Variants in LYPD6B observed in about 807,000 individuals in gnomAD.
The protein encoded by LYPD6B is ly6/PLAUR domain-containing protein 6B.
A neutral mutation model predicts 22.8 loss-of-function variants in LYPD6B; 17 were observed. The ratio of observed to expected loss-of-function variants is 0.75; its 90% CI spans 0.51 to 1.12. The LOEUF is 1.12. Among genes scored for constraint, LYPD6B ranks in the 50% most tolerant of loss-of-function variants. The pLI, the probability that LYPD6B is intolerant of heterozygous loss-of-function variation, is 0.00. For synonymous variants in LYPD6B, 106 were observed against 91.6 expected (o/e 1.16, Z -0.90); for missense variants, 221 against 258.3 (o/e 0.86, Z 0.99).
At chr2:149,181,501 C>G (rs898781627) in intron 3 of LYPD6B, among the ~76,000 whole-genome samples, 1 of 152,118 alleles carries the variant, frequency 6.6e-6, no homozygotes, top group Non-Finnish European at 1.5e-5. Context: ...CTGCTGGATT[C>G]CAGAAACCCA....
intron 3 of LYPD6B, among the ~76,000 whole-genome samples, chr2:149,182,598 C>T (rs1019006893): frequency 7.9e-5 from 12 of 152,180 alleles, no homozygotes; most frequent in African/African-American, 2.9e-4. Flanking sequence ...TCAAGTGGAA[C>T]TCAGTCCTAG....
chr2:149,156,918 G>C (rs919366820), intron 2 of LYPD6B, among the ~76,000 whole-genome samples: 6 of 152,154 alleles, frequency 3.9e-5, no homozygotes, highest in Non-Finnish European at 4.4e-5. Context: ...AGGCTAATGG[G>C]ACTATTTTAG....
chr2:149,149,087 G>A (rs770206716), intron 2 of LYPD6B, among the ~76,000 whole-genome samples: 1 of 152,148 alleles, frequency 6.6e-6, no homozygotes, highest in Admixed American at 6.5e-5. Context: ...GACAAGGGGT[G>A]CGGGGAGGAA....
intron 2 of LYPD6B, among the ~76,000 whole-genome samples, chr2:149,151,224 T>C (rs1030734992): frequency 8.5e-5 from 13 of 152,096 alleles, no homozygotes; most frequent in Non-Finnish European, 1.6e-4. Context: ...TGGTGTCCTC[T>C]GGGGCACTGT....
chr2:149,111,889 G>A (rs1289504957), intron 1 of LYPD6B, among the ~76,000 whole-genome samples: 1 of 152,146 alleles, frequency 6.6e-6, no homozygotes, highest in African/African-American at 2.4e-5. Flanking sequence ...CCAAGACAGT[G>A]ATATCCTAGG....
intron 1 of LYPD6B, among the ~76,000 whole-genome samples, chr2:149,087,254 A>G (rs1685444818): frequency 6.6e-6 from 1 of 152,220 alleles, no homozygotes; most frequent in Non-Finnish European, 1.5e-5. Context: ...CCCTGAAGAA[A>G]AGTATCAGAA....
Position 149,086,357 on chromosome 2 carries a change from T to C in LYPD6B, c.-66-44526T>C, listed in dbSNP as rs563200050. On this transcript the variant is annotated intron_variant, in intron 1 of 6. Transcript: ENST00000409642. Reference sequence around the variant, plus strand: ...GGACTTGTGGATATTGGGTCTCGTTTCATAGCAGCCTTCACCTCCCCAGTC... The same window carrying C: ...GGACTTGTGGATATTGGGTCTCGTTCCATAGCAGCCTTCACCTCCCCAGTC... Among the ~76,000 whole-genome samples, 5 of 152,314 alleles carry C rather than the reference T, an allele frequency of 3.3e-5. No homozygotes were observed. The East Asian group carries it at 7.7e-4, about 24-fold the overall frequency.
chr2:149,095,968 A>G (rs1685885976), intron 1 of LYPD6B, among the ~76,000 whole-genome samples: 1 of 151,984 alleles, frequency 6.6e-6, no homozygotes, highest in African/African-American at 2.4e-5. Context: ...AGAGAAGAAC[A>G]GTGAGAGAGA....
At chr2:149,049,217 T>C (rs142425168) in intron 1 of LYPD6B, among the ~76,000 whole-genome samples, 41 of 152,326 alleles carry the variant, frequency 2.7e-4, no homozygotes, top group African/African-American at 9.6e-4. Context: ...TTAAGAGTTC[T>C]TCTCATTTCA....
intron 2 of LYPD6B, among the ~76,000 whole-genome samples, chr2:149,136,532 A>C (rs1688382207): frequency 2.0e-5 from 3 of 152,208 alleles, no homozygotes; most frequent in African/African-American, 7.2e-5. Context: ...TATTTTCATG[A>C]TTGCAACTCT....
At position 149,092,217 on chromosome 2, in the gene LYPD6B, TGAA is replaced by T. The variant is rs1321959755; in HGVS notation, c.-66-38663_-66-38661del. Among the ~76,000 whole-genome samples, 100 of 151,940 alleles carry T rather than the reference TGAA, an allele frequency of 6.6e-4. 2 individuals carry two copies. The highest frequency in any genetic ancestry group is 2.4e-4 in the Non-Finnish European group (16 of 67,988). ...GGGGGGGAATTTTAGATGTCAAAGA[TGAA>T]GACAGGGTTTAATGTGTGGATAGGG... is the stretch of plus-strand genomic sequence containing the variant. On this transcript the variant is annotated intron_variant, in intron 1 of 6. Coordinates refer to ENST00000409642, the MANE Select transcript of LYPD6B (RefSeq NM_177964.5).
chr2:149,167,092 T>C (rs529314949), intron 3 of LYPD6B, among the ~76,000 whole-genome samples: 2 of 152,104 alleles, frequency 1.3e-5, no homozygotes, highest in South Asian at 4.2e-4. Context: ...ACTTTCCTCG[T>C]TTCTTATTCA....
chr2:149,168,537 C>T (rs772476702), intron 3 of LYPD6B, among the ~76,000 whole-genome samples: 11 of 152,154 alleles, frequency 7.2e-5, no homozygotes, highest in Non-Finnish European at 1.5e-4. Flanking sequence ...CAAGCCCATG[C>T]CTGATTTGCC....
chr2:149,178,012 C>T (rs1414969903), intron 3 of LYPD6B, among the ~76,000 whole-genome samples: 2 of 152,012 alleles, frequency 1.3e-5, no homozygotes, highest in Non-Finnish European at 2.9e-5. Context: ...TTAAGTATTA[C>T]TGTCCTGATT....
chr2:149,078,532 C>T (rs1394046358), intron 1 of LYPD6B, among the ~76,000 whole-genome samples: 1 of 152,184 alleles, frequency 6.6e-6, no homozygotes, highest in Non-Finnish European at 1.5e-5. Flanking sequence ...AGGGGAAACA[C>T]TCTTCCAATA....
At chr2:149,143,629 GT>G (rs1256331410) in intron 2 of LYPD6B, among the ~76,000 whole-genome samples, 1 of 151,444 alleles carries the variant, frequency 6.6e-6, no homozygotes, top group Non-Finnish European at 1.5e-5. Context: ...CCTTCCAATT[GT>G]CTCTTCTGAG....
chr2:149,175,053 C>G (rs375255396), intron 3 of LYPD6B, among the ~76,000 whole-genome samples: 36,923 of 132,234 alleles, frequency 0.28, 5,728 homozygotes, highest in Non-Finnish European at 0.36. Context: ...CTCTCTCTCT[C>G]TCTCTCTCTG....
At chr2:149,194,993 A>T (rs1692717950) in intron 3 of LYPD6B, among the ~76,000 whole-genome samples, 1 of 152,204 alleles carries the variant, frequency 6.6e-6, no homozygotes, top group East Asian at 1.9e-4. Context: ...AGTTCTCATA[A>T]TTTCCACGTG....
chr2:149,143,609 G>A (rs1688832348), intron 2 of LYPD6B, among the ~76,000 whole-genome samples: 2 of 151,470 alleles, frequency 1.3e-5, no homozygotes, highest in African/African-American at 2.4e-5. Context: ...ATCAATCTCA[G>A]CAGATCTCTC....
Sources: gnomAD v4.1 joint callset for allele counts (sites outside exome capture counted in the v4.1 genomes callset) on GRCh38, gnomAD v4.1.1 for gene constraint, MANE v1.5 for transcripts, NCBI Gene and HGNC (gene_info 2026-07-23, HGNC 2026-07-21) for gene names.